The following VSTM4 variants were observed in gnomAD, a reference collection of about 807,000 sequenced individuals.
VSTM4 encodes the protein V-set and transmembrane domain containing 4.
Under a neutral mutation model 36.4 loss-of-function variants are expected in VSTM4, and 20 were observed. The observed-to-expected ratio is 0.55, with a 90% CI of 0.39 to 0.80. VSTM4 has a LOEUF of 0.80. VSTM4 is among the 30% of genes least tolerant of loss of function. The pLI is 0.00. For missense variants in VSTM4, 392 were observed against 404.5 expected (o/e 0.97, Z 0.26); for synonymous variants, 182 against 173.9 (o/e 1.05, Z -0.37).
At chr10:49,074,979 T>C (rs929689368) in intron 4 of VSTM4, among the ~76,000 whole-genome samples, 6 of 152,152 alleles carry the variant, frequency 3.9e-5, no homozygotes, top group Non-Finnish European at 7.4e-5. Context: ...GTCGCTCTCA[T>C]CCAGGGTCAC....
chr10:49,039,824 T>C (rs1285613722), intron 7 of VSTM4, among the ~76,000 whole-genome samples: 1 of 152,200 alleles, frequency 6.6e-6, no homozygotes, highest in African/African-American at 2.4e-5. Context: ...AACTCTGAGG[T>C]TTTCCTTCCG....
intron 1 of VSTM4, among the ~76,000 whole-genome samples, chr10:49,109,225 T>A (rs1844849011): frequency 6.6e-6 from 1 of 152,134 alleles, no homozygotes; most frequent in Non-Finnish European, 1.5e-5. Context: ...GGGCCCCAGA[T>A]GTCACAGCCA....
Position 49,108,008 on chromosome 10 carries a change from AG to A in VSTM4, c.56-14del, listed in dbSNP as rs1291575477. The A allele has an allele frequency of 1.9e-6, 3 of 1,541,308 alleles. No homozygotes were observed. The Admixed American group carries it at 5.9e-5, about 30-fold the overall frequency. ...GCCGCACAGACCTCTGCAGAGAAAAAGGGGAGAAGAGAGGATGAGGAGGGCC... is the reference window on the plus strand; with the variant it reads ...GCCGCACAGACCTCTGCAGAGAAAAAGGGAGAAGAGAGGATGAGGAGGGCC... On this transcript the variant is annotated splice_polypyrimidine_tract_variant and intron_variant, in intron 1 of 7. Transcript: ENST00000332853.
At chr10:49,078,596 G>T (rs925304647) in intron 3 of VSTM4, among the ~76,000 whole-genome samples, 3 of 151,994 alleles carry the variant, frequency 2.0e-5, no homozygotes, top group African/African-American at 7.3e-5. Context: ...TTCTTGATAT[G>T]ACAAAATTAT....
chr10:49,055,251 T>C (rs1036654280), intron 5 of VSTM4, among the ~76,000 whole-genome samples: 10 of 152,178 alleles, frequency 6.6e-5, no homozygotes, highest in African/African-American at 2.4e-5. Flanking sequence ...AAGGTGTCGC[T>C]TCAGCTGATT....
chr10:49,109,089 T>A (rs191497099), intron 1 of VSTM4, among the ~76,000 whole-genome samples: 62 of 152,248 alleles, frequency 4.1e-4, no homozygotes, highest in African/African-American at 1.5e-3. Context: ...ACCCCTGTAC[T>A]GCCCCATGTA....
In VSTM4 at chr10:49,017,942, T is replaced by C. The variant is rs1442722673; in HGVS notation, c.*1708A>G. ...TAGTGAGTTCTTCCAAATGGTTCTT[T>C]CTTCCTCAAAAGCTGCATGGTTTAT... On this transcript the variant is annotated 3_prime_UTR_variant, in exon 8 of 8. Coordinates refer to ENST00000332853, the MANE Select transcript of VSTM4 (RefSeq NM_001031746.5). 6.6e-6 allele frequency: 1 copy of C among 152,232 alleles called. No individual in the cohort carries two copies. Among genetic ancestry groups the C allele is most frequent in the Admixed American group, 6.5e-5 (1 of 15,290 alleles). 9.4% of individuals were successfully genotyped at this position (152,232 alleles called of 1,614,324 possible). A position where few individuals can be genotyped will look rare whatever the true frequency, so the allele number is the denominator to read the frequency against.
chr10:49,048,684 C>T (rs1005771088), intron 5 of VSTM4, 100 bp from the exon 6 acceptor site: 2 of 937,856 alleles, frequency 2.1e-6, no homozygotes, highest in African/African-American at 1.7e-5. Context: ...TTTCTGAGTG[C>T]TCCCTGTGTA....
intron 2 of VSTM4, chr10:49,103,693 C>A (rs753578508): frequency 1.0e-5 from 16 of 1,604,350 alleles, no homozygotes; most frequent in Non-Finnish European, 1.4e-5. Flanking sequence ...CAGGCACCAG[C>A]CTTTCTTTCT....
At chr10:49,073,478 T>C (rs576902892) in intron 4 of VSTM4, among the ~76,000 whole-genome samples, 27 of 152,336 alleles carry the variant, frequency 1.8e-4, no homozygotes, top group African/African-American at 6.5e-4. Context: ...AGACAGAGCA[T>C]GGCAGAAGCA....
rs112319299 is a variant in VSTM4 at position 49,097,307 on chromosome 10, C to T, written c.457+10287G>A. 3.8e-3 allele frequency among the ~76,000 whole-genome samples: 582 copies of T among 152,322 alleles called. 5 individuals carry two copies. The highest frequency in any genetic ancestry group is 0.013 in the African/African-American group (561 of 41,562). ...CCACCGGGGGCCTCCTCCTGCTGAGCAAGTCTACAGAATCTGTGCTTCCAG... is the reference window on the plus strand; with the variant it reads ...CCACCGGGGGCCTCCTCCTGCTGAGTAAGTCTACAGAATCTGTGCTTCCAG... On this transcript the variant is annotated intron_variant, in intron 2 of 7. Coordinates refer to ENST00000332853, the MANE Select transcript of VSTM4 (RefSeq NM_001031746.5).
intron 2 of VSTM4, among the ~76,000 whole-genome samples, chr10:49,106,073 G>A (rs1408346212): frequency 1.3e-5 from 2 of 152,144 alleles, no homozygotes; most frequent in East Asian, 3.9e-4. Context: ...ACCTCATTCT[G>A]TACTTATAAA....
intron 2 of VSTM4, among the ~76,000 whole-genome samples, chr10:49,101,018 A>G (rs1844656072): frequency 6.6e-6 from 1 of 152,100 alleles, no homozygotes; most frequent in Non-Finnish European, 1.5e-5. Context: ...TATATAAAAA[A>G]ACAGATTCCA....
At chr10:49,069,317 G>A (rs1259461412) in intron 4 of VSTM4, among the ~76,000 whole-genome samples, 1 of 152,216 alleles carries the variant, frequency 6.6e-6, no homozygotes, top group East Asian at 1.9e-4. Flanking sequence ...CCCCGCAATA[G>A]GACCCATGGA....
At chr10:49,027,577 C>G (rs1357191948) in intron 7 of VSTM4, among the ~76,000 whole-genome samples, 2 of 152,228 alleles carry the variant, frequency 1.3e-5, no homozygotes, top group Non-Finnish European at 2.9e-5. Context: ...TCCATCACCC[C>G]TGCATGCCAC....
chr10:49,027,906 T>G (rs1843287966), intron 7 of VSTM4, among the ~76,000 whole-genome samples: 1 of 152,126 alleles, frequency 6.6e-6, no homozygotes, highest in African/African-American at 2.4e-5. Flanking sequence ...CAAATATAGG[T>G]TTTTGTGTGA....
chr10:49,051,674 G>T (rs948555053), intron 5 of VSTM4, among the ~76,000 whole-genome samples: 37 of 152,284 alleles, frequency 2.4e-4, no homozygotes, highest in African/African-American at 8.2e-4. Context: ...GGGATTACAG[G>T]CATGAGCCAC....
chr10:49,037,381 C>T (rs1292053633), intron 7 of VSTM4, among the ~76,000 whole-genome samples: 1 of 152,224 alleles, frequency 6.6e-6, no homozygotes, highest in South Asian at 2.1e-4. Context: ...GAGTCAGGGC[C>T]GGAGATTCTA....
intron 4 of VSTM4, among the ~76,000 whole-genome samples, chr10:49,069,970 C>CACATATCTCATTCATCATCTTTATTTGTT (rs1590104631): frequency 3.1e-5 from 4 of 130,966 alleles, no homozygotes; most frequent in Admixed American, 1.5e-4. Flanking sequence ...AAAGAAATAT[C>CACATATCTCATTCATCATCTTTATTTGTT]GGCCGGGCGC....
Sources: gnomAD v4.1 joint callset for allele counts (sites outside exome capture counted in the v4.1 genomes callset) on GRCh38, gnomAD v4.1.1 for gene constraint, MANE v1.5 for transcripts, NCBI Gene and HGNC (gene_info 2026-07-23, HGNC 2026-07-21) for gene names.